The following MYOM2 variants were observed in gnomAD, a reference collection of about 807,000 sequenced individuals.
MYOM2 encodes myomesin 2.
MYOM2 carries 254 observed loss-of-function variants against 187.6 expected under a neutral mutation model. The ratio of observed to expected loss-of-function variants is 1.35; its 90% CI spans 1.22 to 1.50. The LOEUF (loss-of-function observed/expected upper bound fraction) is 1.50, where lower values mean the gene tolerates loss of function less well. MYOM2 is among the 40% of genes most tolerant of loss of function. The pLI is 0.00. For synonymous variants in MYOM2, 981 were observed against 753.8 expected, an observed-to-expected ratio of 1.30 and a Z score of -4.94; for missense variants, 2,796 against 1,924.0, an observed-to-expected ratio of 1.45 and a Z score of -8.48.
chr8:2,076,334 C>T, intron 11 of MYOM2, 52 bp downstream of exon 11: 1 of 1,588,092 alleles, frequency 6.3e-7, no homozygotes, highest in South Asian at 1.1e-5. Flanking sequence ...TGGAATCTTA[C>T]CATGGACAAT....
At chr8:2,064,197 G>A (rs992925697) in intron 6 of MYOM2, among the ~76,000 whole-genome samples, 1 of 152,204 alleles carries the variant, frequency 6.6e-6, no homozygotes, top group Non-Finnish European at 1.5e-5. Context: ...CTCGGGGCAG[G>A]CAGGGGGCAA....
intron 16 of MYOM2, among the ~76,000 whole-genome samples, chr8:2,093,380 G>A (rs1275517846): frequency 2.0e-5 from 3 of 152,134 alleles, no homozygotes; most frequent in Admixed American, 6.5e-5. Flanking sequence ...TTGCTTACAC[G>A]GACTGAATAT....
intron 2 of MYOM2, 137 bp downstream of exon 2, chr8:2,051,010 C>G: frequency 4.5e-6 from 3 of 662,990 alleles, no homozygotes; most frequent in Non-Finnish European, 8.0e-6. Context: ...CAGCCTCTCC[C>G]GTGCCCAGGT....
At chr8:2,092,118 C>G (rs983656605) in intron 15 of MYOM2, among the ~76,000 whole-genome samples, 2 of 152,040 alleles carry the variant, frequency 1.3e-5, no homozygotes, top group African/African-American at 2.4e-5. Context: ...TCCTGTGTCT[C>G]TAGGAGTTGT....
chr8:2,130,124 C>T (rs73657729), intron 32 of MYOM2, among the ~76,000 whole-genome samples: 1 of 144,708 alleles, frequency 6.9e-6, no homozygotes, highest in Non-Finnish European at 1.5e-5. Flanking sequence ...CCCCTCAGTA[C>T]GCTATACCCA....
At chr8:2,048,286 C>T (rs1193057219) in intron 1 of MYOM2, among the ~76,000 whole-genome samples, 3 of 152,222 alleles carry the variant, frequency 2.0e-5, no homozygotes, top group Non-Finnish European at 4.4e-5. Context: ...GAAGCTGAAA[C>T]GTCTTCCCCA....
intron 18 of MYOM2, among the ~76,000 whole-genome samples, chr8:2,098,574 TG>T (rs1443655470): frequency 6.6e-6 from 1 of 152,116 alleles, no homozygotes; most frequent in African/African-American, 2.4e-5. Context: ...TACCTGCCGC[TG>T]GGGTATCACC....
chr8:2,070,554 G>T (rs764341253), intron 8 of MYOM2, among the ~76,000 whole-genome samples: 7 of 152,194 alleles, frequency 4.6e-5, no homozygotes, highest in Non-Finnish European at 7.3e-5. Flanking sequence ...AGTCTGTGTG[G>T]AGAGTTGCCC....
intron 31 of MYOM2, 49 bp from the exon 32 acceptor site, chr8:2,129,078 A>G: frequency 7.2e-7 from 1 of 1,388,876 alleles, no homozygotes; most frequent in Non-Finnish European, 1.0e-6. Flanking sequence ...CTGTGATCAC[A>G]CAGCAGGCAC....
chr8:2,084,139 T>A (rs1242673984), intron 13 of MYOM2, among the ~76,000 whole-genome samples: 1 of 152,222 alleles, frequency 6.6e-6, no homozygotes, highest in Admixed American at 6.5e-5. Flanking sequence ...GGAATGCTTT[T>A]TTCTGTGGGT....
chr8:2,117,785 C>T (rs914358510), intron 27 of MYOM2, 100 bp from the exon 28 acceptor site: 20 of 714,262 alleles, frequency 2.8e-5, no homozygotes, highest in Middle Eastern at 5.9e-4. Flanking sequence ...TATATATACA[C>T]ACCATGCATA....
intron 31 of MYOM2, among the ~76,000 whole-genome samples, chr8:2,127,531 G>A (rs1292926317): frequency 4.6e-5 from 7 of 152,240 alleles, no homozygotes; most frequent in Non-Finnish European, 1.0e-4. Context: ...CTCCTTTGCA[G>A]TGGACTAGCG....
chr8:2,055,653 G>T (rs748448208), intron 3 of MYOM2, among the ~76,000 whole-genome samples: 1 of 152,158 alleles, frequency 6.6e-6, no homozygotes, highest in African/African-American at 2.4e-5. Context: ...TTCTGATTGC[G>T]AACTTCCCAA....
Position 2,050,823 on chromosome 8 carries a change from C to G in MYOM2, c.57C>G (p.Ser19=). The part of the protein sequence containing the change: ...YQKRHRHFDQ[S]YRNIQTRYLL... ...AGAGACATAGGCACTTCGACCAGTCCTACCGTAATATTCAAACACGGTACC... is the reference window on the plus strand; with the variant it reads ...AGAGACATAGGCACTTCGACCAGTCGTACCGTAATATTCAAACACGGTACC... Residue 19 remains serine (S), a synonymous_variant, in exon 2 of 37, where the codon TCC becomes TCG. Transcript: ENST00000262113. 6.2e-7 allele frequency: 1 copy of G among 1,613,556 alleles called. No homozygotes were observed. The highest frequency in any genetic ancestry group is 8.5e-7 in the Non-Finnish European group (1 of 1,179,494).
intron 6 of MYOM2, among the ~76,000 whole-genome samples, chr8:2,061,071 C>A (rs184805170): frequency 8.5e-5 from 13 of 152,160 alleles, no homozygotes; most frequent in Non-Finnish European, 1.5e-4. Context: ...CATCTGCTAT[C>A]GAGGGAGGGG....
chr8:2,137,158 A>G (rs1393246927), intron 32 of MYOM2, among the ~76,000 whole-genome samples: 1 of 151,342 alleles, frequency 6.6e-6, no homozygotes, highest in African/African-American at 2.4e-5. Flanking sequence ...CACATAATTT[A>G]GCTCTTTGAA....
chr8:2,100,049 TTTCC>T (rs1349462731), intron 19 of MYOM2, among the ~76,000 whole-genome samples: 28 of 61,544 alleles, frequency 4.5e-4, no homozygotes, highest in South Asian at 2.5e-3. Flanking sequence ...TCCTTCCTTC[TTTCC>T]TTCCTTCCTT....
intron 6 of MYOM2, among the ~76,000 whole-genome samples, chr8:2,064,889 G>A (rs1818966132): frequency 6.6e-6 from 1 of 152,206 alleles, no homozygotes; most frequent in African/African-American, 2.4e-5. Flanking sequence ...CCCAGGAGCT[G>A]TGAAACAGCA....
Position 2,096,412 on chromosome 8 carries a change from C to T in MYOM2, c.2291C>T (p.Pro764Leu), listed in dbSNP as rs768172010. ...HKNWHEVNSS[P>L]SKPTILTVDG... ...AACTGGCACGAGGTCAATTCCTCAC[C>T]CAGCAAACCGACAATCCTAACGGTC... is the stretch of plus-strand genomic sequence containing the variant. Residue 764 changes from proline to leucine, a missense_variant, in exon 18 of 37, where the codon CCC becomes CTC. Transcript: ENST00000262113. The T allele has an allele frequency of 6.2e-6, 10 of 1,614,172 alleles. No individual in the cohort carries two copies. Among genetic ancestry groups the T allele is most frequent in the South Asian group, 2.2e-5 (2 of 91,070 alleles).
Sources: gnomAD v4.1 joint callset for allele counts (sites outside exome capture counted in the v4.1 genomes callset) on GRCh38, gnomAD v4.1.1 for gene constraint, MANE v1.5 for transcripts, NCBI Gene and HGNC (gene_info 2026-07-23, HGNC 2026-07-21) for gene names.